The following FGF14 variants were observed in gnomAD, a reference collection of about 807,000 sequenced individuals.
FGF14 encodes the protein fibroblast growth factor 14, also known as fibroblast growth factor homologous factor 4.
Under a neutral mutation model 25.5 loss-of-function variants are expected in FGF14, and 5 were observed. The ratio of observed to expected loss-of-function variants is 0.20; its 90% CI spans 0.10 to 0.41. FGF14 has a LOEUF of 0.41. FGF14 is among the 10% of genes least tolerant of loss of function. The probability of loss-of-function intolerance (pLI) is 1.00; values close to 1 mark genes in which losing one functional copy is unlikely to be tolerated. For missense variants in FGF14, 222 were observed against 320.1 expected (o/e 0.69, Z 2.34); for synonymous variants, 138 against 118.3 (o/e 1.17, Z -1.08).
chr13:102,293,672 T>C (rs1404843138), intron 1 of FGF14: 1 of 152,196 alleles, frequency 6.6e-6, no homozygotes, highest in African/African-American at 2.4e-5. Flanking sequence ...TGAATTTCAC[T>C]CTATCTTCAC....
chr13:102,125,354 C>T lies in FGF14; in HGVS notation c.209-250058G>A, dbSNP rs115006448. Among the ~76,000 whole-genome samples, 785 of 152,094 alleles carry T rather than the reference C, an allele frequency of 5.2e-3. 5 individuals carry two copies. Among genetic ancestry groups the T allele is most frequent in the African/African-American group, 0.017 (700 of 41,530 alleles). ...ATAGAAAAAAGAAAACATAGAAAAC[C>T]GTAAGAGTCACTCAAAATATCTCAA... is the stretch of plus-strand genomic sequence containing the variant. On this transcript the variant is annotated intron_variant, in intron 1 of 4. Coordinates refer to the FGF14 transcript ENST00000376131.
intron 1 of FGF14, among the ~76,000 whole-genome samples, chr13:102,087,218 A>G (rs1486470598): frequency 6.6e-6 from 1 of 152,118 alleles, no homozygotes; most frequent in East Asian, 1.9e-4. Flanking sequence ...ATATACTTTG[A>G]TGATCCCTAA....
At chr13:101,908,883 C>CA (rs2032574465) in intron 1 of FGF14, among the ~76,000 whole-genome samples, 1 of 152,030 alleles carries the variant, frequency 6.6e-6, no homozygotes, top group Non-Finnish European at 1.5e-5. Context: ...GTACTGGTAC[C>CA]AAAACAGAGA....
At chr13:102,127,881 C>T (rs1314039190) in intron 1 of FGF14, among the ~76,000 whole-genome samples, 2 of 152,246 alleles carry the variant, frequency 1.3e-5, no homozygotes, top group East Asian at 3.8e-4. Context: ...CAGCTGGCAG[C>T]TATCAGCTGT....
intron 1 of FGF14, among the ~76,000 whole-genome samples, chr13:102,251,192 T>C (rs1037655268): frequency 7.2e-5 from 11 of 152,206 alleles, no homozygotes; most frequent in East Asian, 3.9e-4. Flanking sequence ...CTCATTGGTA[T>C]GGTATCTTTG....
At chr13:102,276,380 T>TATATATATAC (rs1491317660) in intron 1 of FGF14, among the ~76,000 whole-genome samples, 16 of 131,446 alleles carry the variant, frequency 1.2e-4, no homozygotes, top group African/African-American at 4.4e-4. Context: ...TATATATATA[T>TATATATATAC]ACACATTATT....
In FGF14 at chr13:102,390,722, C is replaced by T. The variant is rs369270059; in HGVS notation, c.208+10749G>A. 1.8e-4 allele frequency among the ~76,000 whole-genome samples: 27 copies of T among 152,254 alleles called. 1 individual carries two copies. In the East Asian group the frequency reaches 4.4e-3, roughly 25 times the overall value. ...AGAGTGCCTAGTATATAGAAGCATT[C>T]TCTAAAGATTAGTTGTTATCAACTA... On this transcript the variant is annotated intron_variant, in intron 1 of 4. Coordinates refer to the FGF14 transcript ENST00000376131.
At chr13:102,064,400 C>T (rs1299308062) in intron 1 of FGF14, among the ~76,000 whole-genome samples, 4 of 151,950 alleles carry the variant, frequency 2.6e-5, no homozygotes, top group Non-Finnish European at 5.9e-5. Context: ...TGATGACCAA[C>T]GTAATTGAAA....
chr13:101,897,586 A>G (rs2030888831), intron 1 of FGF14, among the ~76,000 whole-genome samples: 1 of 152,166 alleles, frequency 6.6e-6, no homozygotes, highest in Non-Finnish European at 1.5e-5. Flanking sequence ...GCTAAGTCAT[A>G]ATTAGATCCC....
intron 3 of FGF14, among the ~76,000 whole-genome samples, chr13:101,837,475 G>A (rs903589410): frequency 2.6e-5 from 4 of 152,118 alleles, no homozygotes; most frequent in Non-Finnish European, 5.9e-5. Context: ...AATCAAGCTT[G>A]TTGCGTAATG....
At chr13:102,341,013 T>C (rs1007801738) in intron 1 of FGF14, among the ~76,000 whole-genome samples, 1 of 152,032 alleles carries the variant, frequency 6.6e-6, no homozygotes, top group Non-Finnish European at 1.5e-5. Flanking sequence ...ATGTGTTAAA[T>C]AGAAATGGAG....
chr13:101,771,039 A>G (rs1175156191), intron 3 of FGF14, among the ~76,000 whole-genome samples: 1 of 152,142 alleles, frequency 6.6e-6, no homozygotes, highest in African/African-American at 2.4e-5. Flanking sequence ...AATATTTTCA[A>G]TCTAGTAAAA....
Position 101,715,568 on chromosome 13 carries a change from G to A in FGF14, c.*7263C>T, listed in dbSNP as rs757130121. On this transcript the variant is annotated 3_prime_UTR_variant, in exon 5 of 5. Transcript: ENST00000376143. ...CTATATGTATTTTATTGCAGGGAAT[G>A]GAATATGTAGCTGTGGAAACTGTGA... is the stretch of plus-strand genomic sequence containing the variant. 2 of 1,609,136 alleles carry A rather than the reference G, an allele frequency of 1.2e-6. No individual in the cohort carries two copies. Among genetic ancestry groups the A allele is most frequent in the Non-Finnish European group, 1.7e-6 (2 of 1,175,532 alleles).
chr13:101,903,270 TGTTA>T (rs1440452993), intron 1 of FGF14, among the ~76,000 whole-genome samples: 7 of 149,990 alleles, frequency 4.7e-5, no homozygotes, highest in Middle Eastern at 3.2e-3. Flanking sequence ...TGGTCATTCA[TGTTA>T]GTTAGACCTC....
At chr13:101,898,215 G>A (rs1040778391) in intron 1 of FGF14, among the ~76,000 whole-genome samples, 1 of 151,976 alleles carries the variant, frequency 6.6e-6, no homozygotes, top group East Asian at 1.9e-4. Flanking sequence ...TTAGATGAGG[G>A]ATCTTCAAAC....
chr13:102,014,708 C>T (rs1458832304), intron 1 of FGF14, among the ~76,000 whole-genome samples: 2 of 152,016 alleles, frequency 1.3e-5, no homozygotes, highest in African/African-American at 2.4e-5. Context: ...TCACTTATTT[C>T]GTATGTAAAT....
chr13:101,886,059 G>C (rs1372049728), intron 1 of FGF14, among the ~76,000 whole-genome samples: 1 of 152,166 alleles, frequency 6.6e-6, no homozygotes, highest in East Asian at 1.9e-4. Context: ...AAAAGACAGT[G>C]TTAAGATCCA....
intron 1 of FGF14, among the ~76,000 whole-genome samples, chr13:101,887,345 TACACAC>T (rs888418186): frequency 6.7e-6 from 1 of 150,022 alleles, no homozygotes; most frequent in African/African-American, 2.5e-5. Context: ...TATATATATA[TACACAC>T]ACACACACAT....
chr13:101,765,743 T>C (rs2038350005), intron 3 of FGF14, among the ~76,000 whole-genome samples: 1 of 151,604 alleles, frequency 6.6e-6, no homozygotes, highest in South Asian at 2.1e-4. Flanking sequence ...TATTTATTTA[T>C]TTTGAGACGG....
Sources: allele counts gnomAD v4.1 joint callset (sites outside exome capture counted in the v4.1 genomes callset), GRCh38; gene constraint gnomAD v4.1.1; transcripts MANE v1.5; gene names NCBI Gene and HGNC (gene_info 2026-07-23, HGNC 2026-07-21).